The following SPTAN1 variants were observed in gnomAD, a reference collection of about 807,000 sequenced individuals.
The protein encoded by SPTAN1 is spectrin alpha, non-erythrocytic 1.
In SPTAN1, 61 loss-of-function variants were observed where a neutral mutation model predicts 331.3. The ratio of observed to expected loss-of-function variants is 0.18; its 90% confidence interval spans 0.15 to 0.23. The LOEUF (loss-of-function observed/expected upper bound fraction) is 0.23. Ranked by LOEUF, SPTAN1 falls within the 10% of genes least tolerant of loss-of-function variation. The pLI, the probability that SPTAN1 is intolerant of heterozygous loss-of-function variation, is 1.00. For synonymous variants in SPTAN1, 1,153 were observed against 1,173.9 expected (o/e 0.98, Z 0.36); for missense variants, 2,043 against 3,147.9 (o/e 0.65, Z 8.40).
At chr9:128,593,307 G>T in intron 23 of SPTAN1, 1 of 546,344 alleles carries the variant, frequency 1.8e-6, no homozygotes, top group Admixed American at 2.6e-5. Flanking sequence ...GGTTTTTGTG[G>T]TGGACCAGCC....
At position 128,587,477 on chromosome 9, in the gene SPTAN1, G is replaced by A. The variant is rs1275994498; in HGVS notation, c.2779-129G>A. 2.0e-5 allele frequency: 15 copies of A among 750,872 alleles called. No individual in the cohort carries two copies. The Admixed American group carries it at 2.7e-4, about 14-fold the overall frequency. 46.5% of individuals were successfully genotyped at this position (750,872 alleles called of 1,614,324 possible). ...GAAAATGATATTAGCACTGTAAGAA[G>A]GGCAGGAGGTGATTACGTCATTGTG... On this transcript the variant is annotated intron_variant, in intron 19 of 56. Coordinates refer to ENST00000372739, the MANE Select transcript of SPTAN1 (RefSeq NM_001130438.3).
intron 28 of SPTAN1, 80 bp from the exon 29 acceptor site, chr9:128,604,246 C>A: frequency 7.0e-7 from 1 of 1,429,662 alleles, no homozygotes; most frequent in Non-Finnish European, 9.8e-7. Context: ...CTCCTTCAAA[C>A]AAAGTCATTT....
At chr9:128,614,212 T>C (rs1037340898) in intron 40 of SPTAN1, among the ~76,000 whole-genome samples, 2 of 152,084 alleles carry the variant, frequency 1.3e-5, no homozygotes, top group Non-Finnish European at 2.9e-5. Flanking sequence ...CCCAGCACTT[T>C]GGGAGGCCGA....
Position 128,592,991 on chromosome 9 carries a change from T to A in SPTAN1, c.3164T>A (p.Ile1055Lys). The change falls in exon 23 of 57, where the codon ATA (isoleucine) becomes AAA (lysine). Residue 1055 changes from isoleucine to lysine, a missense_variant. Physicochemically the swap from Ile to Lys is moderately radical, Grantham distance 102. This residue lies in a region of SPTAN1 where 1,038 missense variants were observed against 1,531.5 expected (regional missense o/e 0.68). Transcript: ENST00000372739. ...GTGCCCCCTCTGTGCAGGACACGCA[T>A]AACTAAGGAGGCCGGCAGTGTATCT... Reference protein sequence around the residue: ...RQEQIDNQTRITKEAGSVSLR... With the variant: ...RQEQIDNQTRKTKEAGSVSLR... 1.2e-6 allele frequency: 2 copies of A among 1,608,654 alleles called. No homozygotes were observed. Among genetic ancestry groups the A allele is most frequent in the Non-Finnish European group, 1.7e-6 (2 of 1,177,242 alleles).
intron 45 of SPTAN1, 23 bp downstream of exon 45, chr9:128,621,279 AC>A: frequency 6.2e-7 from 1 of 1,601,708 alleles, no homozygotes; most frequent in Non-Finnish European, 8.5e-7. Context: ...CATTGGTAAG[AC>A]CTCCATCGCC....
chr9:128,571,775 C>T (rs1320722832), intron 3 of SPTAN1, among the ~76,000 whole-genome samples: 1 of 152,086 alleles, frequency 6.6e-6, no homozygotes, highest in South Asian at 2.1e-4. Flanking sequence ...GTAACTTGCC[C>T]AAAGTCACAC....
chr9:128,586,830 T>TTG (rs1295203418), intron 19 of SPTAN1, among the ~76,000 whole-genome samples: 1 of 151,190 alleles, frequency 6.6e-6, no homozygotes. Context: ...TTCTTTTTTT[T>TTG]TTTCTGAGAC....
At chr9:128,624,249 A>G in intron 45 of SPTAN1, 79 bp from the exon 46 acceptor site, 1 of 1,579,148 alleles carries the variant, frequency 6.3e-7, no homozygotes, top group Non-Finnish European at 8.7e-7. Context: ...ATAGAAGTTT[A>G]GAGCCTTTCC....
chr9:128,625,749 G>A lies in SPTAN1; in HGVS notation c.6070-20G>A, dbSNP rs1858637950. 1.2e-6 allele frequency: 2 copies of A among 1,612,784 alleles called. No homozygotes were observed. Among genetic ancestry groups the A allele is most frequent in the East Asian group, 4.5e-5 (2 of 44,878 alleles). ...AGTCCTGTGGAGTCACCACAAATTGGCTTGTCACTCCTTGTTCAGGAAACT... is the reference window on the plus strand; with the variant it reads ...AGTCCTGTGGAGTCACCACAAATTGACTTGTCACTCCTTGTTCAGGAAACT... On this transcript the variant is annotated intron_variant, in intron 47 of 56. Transcript: ENST00000372739. This position sits in a 1 kb window ranked among gnomAD's most constrained non-coding sequence, Gnocchi z 4.1.
chr9:128,599,145 T>C, intron 26 of SPTAN1, 159 bp downstream of exon 26: 2 of 792,052 alleles, frequency 2.5e-6, no homozygotes, highest in Non-Finnish European at 4.4e-6. Context: ...ATTGATTTCT[T>C]TTTTTTTGAG....
At chr9:128,570,319 TATATATA>T (rs1470624404) in intron 3 of SPTAN1, among the ~76,000 whole-genome samples, 5 of 34,146 alleles carry the variant, frequency 1.5e-4, no homozygotes, top group African/African-American at 6.4e-4. Flanking sequence ...TATATATATA[TATATATA>T]TATATTTTTT....
Position 128,611,491 on chromosome 9 carries a change from A to G in SPTAN1, c.4774-223A>G, listed in dbSNP as rs77594718. The G allele has an allele frequency of 7.3e-3, 3,961 of 542,918 alleles. 122 individuals are homozygous for G. The highest frequency in any genetic ancestry group is 0.068 in the African/African-American group (3,593 of 52,482). The allele number at this position is 542,918 out of a possible 1,614,324, so 33.6% of individuals were successfully genotyped here. On this transcript the variant is annotated intron_variant, in intron 37 of 56. Coordinates refer to ENST00000372739, the MANE Select transcript of SPTAN1 (RefSeq NM_001130438.3). ...TCTCAAAAAAAAGGACTTCCAGTTC[A>G]TCTACTCCTGAGCTAGTACATTTCC...
intron 1 of SPTAN1, among the ~76,000 whole-genome samples, chr9:128,565,624 G>GT: frequency 6.6e-6 from 1 of 152,300 alleles, no homozygotes; most frequent in East Asian, 1.9e-4. Context: ...ATCTCCTTCT[G>GT]TTTACCTGCT....
rs540745425 is a variant in SPTAN1, at chr9:128,568,842, A to T, written c.308A>T (p.Asp103Val). 6.2e-7 allele frequency: 1 copy of T among 1,614,168 alleles called. No individual in the cohort carries two copies. Among genetic ancestry groups the T allele is most frequent in the East Asian group, 2.2e-5 (1 of 44,886 alleles). ...AACTCAGGAGCCATTGTTAAGCTGG[A>T]TGAAACTGGAAACCTGATGATCTCA... ...QANSGAIVKL[D>V]ETGNLMISEG... Residue 103 changes from aspartate (D) to valine (V), a missense_variant, in exon 3 of 57, where the codon GAT (aspartate) becomes GTT (valine). Physicochemically the swap from Asp to Val is radical, Grantham distance 152. This residue lies in a region of SPTAN1 where 1,038 missense variants were observed against 1,531.5 expected (regional missense o/e 0.68). Coordinates refer to ENST00000372739, the MANE Select transcript of SPTAN1 (RefSeq NM_001130438.3).
At chr9:128,580,044 C>T (rs1321747462) in intron 10 of SPTAN1, among the ~76,000 whole-genome samples, 1 of 151,914 alleles carries the variant, frequency 6.6e-6, no homozygotes, top group Non-Finnish European at 1.5e-5. Context: ...GATACATAGG[C>T]CAGGTGTGGT....
In SPTAN1 at chr9:128,608,939, G is replaced by T; in HGVS notation, c.4557G>T (p.Lys1519Asn). Residue 1519 changes from lysine (K) to asparagine (N), a missense_variant, in exon 35 of 57, where the codon AAG becomes AAT. By Grantham distance (94) the Lys-to-Asn change is moderately conservative (BLOSUM62 0). Around this residue, in one of 12 missense-constraint regions of SPTAN1, gnomAD observed 40 missense variants for 32.6 expected, o/e 1.23. Coordinates refer to ENST00000372739, the MANE Select transcript of SPTAN1 (RefSeq NM_001130438.3). ...DQLIAAGHYA[K>N]GDISSRRNEV... ...TCATCGCTGCCGGCCATTATGCCAA[G>T]GGAGACATTTCTAGCCGGCGCAATG... 6.2e-7 allele frequency: 1 copy of T among 1,614,206 alleles called. No homozygotes were observed. The highest frequency in any genetic ancestry group is 1.1e-5 in the South Asian group (1 of 91,080).
intron 51 of SPTAN1, chr9:128,630,117 C>A: frequency 1.3e-6 from 1 of 747,294 alleles, no homozygotes; most frequent in South Asian, 1.4e-5. Context: ...GCAGCAGCTT[C>A]CCATCTCTAA....
chr9:128,622,314 T>G (rs1857983507), intron 45 of SPTAN1, among the ~76,000 whole-genome samples: 1 of 150,134 alleles, frequency 6.7e-6, no homozygotes, highest in African/African-American at 2.5e-5. Flanking sequence ...TTTTTTTTTT[T>G]TTGCGACGGA....
chr9:128,625,039 G>A lies in SPTAN1; in HGVS notation c.5993-64G>A, dbSNP rs1858524606. 4.0e-6 allele frequency: 6 copies of A among 1,507,462 alleles called. No individual in the cohort carries two copies. Among genetic ancestry groups the A allele is most frequent in the Non-Finnish European group, 5.5e-6 (6 of 1,083,304 alleles). The allele number at this position is 1,507,462 out of a possible 1,614,324, so 93.4% of individuals were successfully genotyped here. ...AAAAATGGTTTGTCTGGGTTTTGAT[G>A]TTTTTCCTTTCTAATCCATCTCCAC... On this transcript the variant is annotated intron_variant, in intron 46 of 56. Coordinates refer to ENST00000372739, the MANE Select transcript of SPTAN1 (RefSeq NM_001130438.3). This position sits in a 1 kb window ranked among gnomAD's most constrained non-coding sequence, Gnocchi z 4.1.
Sources: allele counts gnomAD v4.1 joint callset (sites outside exome capture counted in the v4.1 genomes callset), GRCh38; gene constraint gnomAD v4.1.1; regional missense constraint gnomAD v4.1.1; non-coding constraint Gnocchi (gnomAD v3.1); transcripts MANE v1.5; gene names NCBI Gene and HGNC (gene_info 2026-07-23, HGNC 2026-07-21).